CCDC178: variants seen among roughly 807,000 people sequenced by gnomAD.
The protein encoded by CCDC178 is coiled-coil domain containing 178.
Under a neutral mutation model 117.4 loss-of-function variants are expected in CCDC178, and 126 were observed. The ratio of observed to expected loss-of-function variants is 1.07; its 90% CI spans 0.93 to 1.24. CCDC178 has a LOEUF of 1.24. CCDC178 is among the 50% of genes most tolerant of loss of function. The pLI is 0.00. For synonymous variants in CCDC178, 283 were observed against 313.4 expected, an observed-to-expected ratio of 0.90 and a Z score of 1.02; for missense variants, 1,030 against 986.9, an observed-to-expected ratio of 1.04 and a Z score of -0.59.
chr18:33,344,261 G>A (rs551752798), intron 9 of CCDC178, among the ~76,000 whole-genome samples: 261 of 141,622 alleles, frequency 1.8e-3, no homozygotes, highest in Non-Finnish European at 2.8e-3. Context: ...CCGAGATTGC[G>A]CCACTGCAGT....
At chr18:33,122,507 A>G (rs951267235) in intron 20 of CCDC178, among the ~76,000 whole-genome samples, 5 of 152,142 alleles carry the variant, frequency 3.3e-5, no homozygotes, top group African/African-American at 1.2e-4. Flanking sequence ...GATAATCTAT[A>G]TAAAGGCAAG....
chr18:33,335,901 A>G (rs1324681608), intron 9 of CCDC178, among the ~76,000 whole-genome samples: 1 of 152,040 alleles, frequency 6.6e-6, no homozygotes, highest in Non-Finnish European at 1.5e-5. Context: ...TTTAATATTG[A>G]GCTACTTCTT....
At chr18:33,074,540 A>C (rs2057170357) in intron 21 of CCDC178, among the ~76,000 whole-genome samples, 2 of 152,192 alleles carry the variant, frequency 1.3e-5, no homozygotes, top group South Asian at 4.1e-4. Flanking sequence ...AAGGGATTTC[A>C]CCATGGAGCC....
intron 21 of CCDC178, among the ~76,000 whole-genome samples, chr18:33,053,706 C>T (rs1338928578): frequency 2.0e-5 from 3 of 151,950 alleles, no homozygotes; most frequent in Non-Finnish European, 4.4e-5. Context: ...AATGAAACAA[C>T]CTAAGTATAC....
chr18:33,020,259 T>A (rs568674168), intron 21 of CCDC178, among the ~76,000 whole-genome samples: 54 of 152,060 alleles, frequency 3.6e-4, no homozygotes, highest in African/African-American at 1.3e-3. Context: ...ATCTCACTAT[T>A]AATATCTTAT....
intron 20 of CCDC178, among the ~76,000 whole-genome samples, chr18:33,174,542 C>T (rs2058640894): frequency 6.6e-6 from 1 of 152,058 alleles, no homozygotes. Context: ...ACAGAGAGAA[C>T]TGAAAGAGGA....
At chr18:33,261,153 GGCTCACTGCGAGCTCC>G (rs1215302945) in intron 14 of CCDC178, among the ~76,000 whole-genome samples, 2 of 151,968 alleles carry the variant, frequency 1.3e-5, no homozygotes, top group Non-Finnish European at 2.9e-5. Context: ...GCACGAGCTC[GGCTCACTGCGAGCTCC>G]GCCTCCTGGG....
At chr18:32,973,914 T>C (rs2054980607) in intron 22 of CCDC178, among the ~76,000 whole-genome samples, 1 of 152,162 alleles carries the variant, frequency 6.6e-6, no homozygotes, top group African/African-American at 2.4e-5. Flanking sequence ...ATTAATTTTT[T>C]AAAAGTTTAA....
intron 22 of CCDC178, among the ~76,000 whole-genome samples, chr18:32,952,583 C>G (rs566659357): frequency 3.9e-5 from 6 of 152,282 alleles, no homozygotes; most frequent in African/African-American, 1.4e-4. Flanking sequence ...CCTCCTAGGC[C>G]TCCAGGCCTG....
rs541981039 is a variant in CCDC178 at position 33,203,711 on chromosome 18, T to C, written c.2238+8185A>G. 2.6e-5 allele frequency among the ~76,000 whole-genome samples: 4 copies of C among 152,322 alleles called. No homozygotes were observed. In the East Asian group the frequency reaches 7.7e-4, roughly 29 times the overall value. ...CCTGAAATATTTCTCCATTTCATTC[T>C]AAGTAAATGTCAAATTCCTTAAAAG... is the stretch of plus-strand genomic sequence containing the variant. On this transcript the variant is annotated intron_variant, in intron 20 of 22. Coordinates refer to ENST00000383096, the MANE Select transcript of CCDC178 (RefSeq NM_001105528.4).
At chr18:33,438,161 T>C (rs2064318103) in intron 2 of CCDC178, among the ~76,000 whole-genome samples, 1 of 152,156 alleles carries the variant, frequency 6.6e-6, no homozygotes. Context: ...ACTTTGTTGA[T>C]GACTGCCAGC....
At chr18:32,988,478 T>C (rs1414795020) in intron 21 of CCDC178, among the ~76,000 whole-genome samples, 1 of 152,056 alleles carries the variant, frequency 6.6e-6, no homozygotes, top group Non-Finnish European at 1.5e-5. Context: ...TTAATACTGA[T>C]TGCTAAATAA....
At chr18:33,021,617 C>T (rs1365357925) in intron 21 of CCDC178, among the ~76,000 whole-genome samples, 1 of 152,182 alleles carries the variant, frequency 6.6e-6, no homozygotes, top group Non-Finnish European at 1.5e-5. Context: ...CACTCCCCTG[C>T]TTTCATTCTT....
intron 20 of CCDC178, among the ~76,000 whole-genome samples, chr18:33,154,454 TA>T (rs1209226608): frequency 6.6e-4 from 100 of 151,918 alleles, no homozygotes; most frequent in African/African-American, 2.1e-3. Context: ...CTGTTATAAA[TA>T]CAGTCAAGGA....
intron 21 of CCDC178, among the ~76,000 whole-genome samples, chr18:33,086,406 A>G (rs186235307): frequency 4.6e-5 from 7 of 150,540 alleles, no homozygotes; most frequent in Non-Finnish European, 7.4e-5. Context: ...GTATGTATAT[A>G]TACATATATA....
chr18:33,081,773 T>C (rs1392327389), intron 21 of CCDC178, among the ~76,000 whole-genome samples: 2 of 152,204 alleles, frequency 1.3e-5, no homozygotes, highest in African/African-American at 4.8e-5. Flanking sequence ...CTAAACACTA[T>C]AGCCACTGCA....
At chr18:33,144,622 G>A (rs893286195) in intron 20 of CCDC178, among the ~76,000 whole-genome samples, 28 of 151,970 alleles carry the variant, frequency 1.8e-4, no homozygotes, top group Admixed American at 5.2e-4. Context: ...CATAATCTCC[G>A]TTCCTTATGC....
At chr18:33,325,451 T>C (rs2062571821) in intron 10 of CCDC178, among the ~76,000 whole-genome samples, 1 of 152,060 alleles carries the variant, frequency 6.6e-6, no homozygotes, top group Non-Finnish European at 1.5e-5. Flanking sequence ...TATGTATTTA[T>C]TGGTAACTTA....
intron 20 of CCDC178, among the ~76,000 whole-genome samples, chr18:33,140,458 AC>A (rs1568012842): frequency 6.6e-6 from 1 of 152,148 alleles, no homozygotes. Flanking sequence ...GATCATGAGA[AC>A]CCACCTCTTG....
Sources: gnomAD v4.1 joint callset for allele counts (sites outside exome capture counted in the v4.1 genomes callset) on GRCh38, gnomAD v4.1.1 for gene constraint, MANE v1.5 for transcripts, NCBI Gene and HGNC (gene_info 2026-07-23, HGNC 2026-07-21) for gene names.